The following ATRN variants were observed in gnomAD, a reference collection of about 807,000 sequenced individuals.
ATRN encodes attractin.
In ATRN, 54 loss-of-function variants were observed where a neutral mutation model predicts 178.7. The ratio of observed to expected loss-of-function variants is 0.30; its 90% CI spans 0.24 to 0.38. The LOEUF (loss-of-function observed/expected upper bound fraction) is 0.38, where lower values mean the gene tolerates loss of function less well. Among genes scored for constraint, ATRN ranks in the 10% least tolerant of loss-of-function variants. The pLI is 1.00. For missense variants in ATRN, 1,443 were observed against 1,815.1 expected, an observed-to-expected ratio of 0.79 and a Z score of 3.73; for synonymous variants, 636 against 663.0, an observed-to-expected ratio of 0.96 and a Z score of 0.63.
At chr20:3,502,451 C>G (rs943086318) in intron 1 of ATRN, among the ~76,000 whole-genome samples, 5 of 152,126 alleles carry the variant, frequency 3.3e-5, no homozygotes, top group Non-Finnish European at 5.9e-5. Flanking sequence ...TTGCATCCTC[C>G]CATCCACCTA....
chr20:3,615,929 A>G, intron 24 of ATRN: 2 of 407,246 alleles, frequency 4.9e-6, no homozygotes, highest in South Asian at 1.7e-5. Flanking sequence ...GCATTAGGGG[A>G]TATACCTAAT....
chr20:3,509,486 A>G (rs575200926), intron 1 of ATRN, among the ~76,000 whole-genome samples: 7 of 150,552 alleles, frequency 4.6e-5, no homozygotes, highest in Non-Finnish European at 7.4e-5. Flanking sequence ...TGTCAGAGGT[A>G]CATGTTAACA....
intron 24 of ATRN, among the ~76,000 whole-genome samples, chr20:3,606,720 T>C (rs1157488190): frequency 6.6e-6 from 1 of 152,246 alleles, no homozygotes. Flanking sequence ...TTTCCTTACT[T>C]TACACGTTGT....
intron 25 of ATRN, among the ~76,000 whole-genome samples, chr20:3,630,205 T>G (rs2086979109): frequency 6.6e-6 from 1 of 152,166 alleles, no homozygotes; most frequent in Admixed American, 6.5e-5. Flanking sequence ...AGCTAAATTG[T>G]CTCCCCTTGT....
At chr20:3,574,439 C>T (rs1408502523) in intron 12 of ATRN, among the ~76,000 whole-genome samples, 2 of 152,114 alleles carry the variant, frequency 1.3e-5, no homozygotes, top group East Asian at 3.9e-4. Flanking sequence ...GGCTTGAGCC[C>T]AGGACGTTGA....
Position 3,638,396 on chromosome 20 carries a change from TC to T in ATRN, c.3943-430del, listed in dbSNP as rs372335097. On this transcript the variant is annotated intron_variant, in intron 26 of 28. Transcript: ENST00000262919. This position sits in a 1 kb window ranked among gnomAD's most constrained non-coding sequence, Gnocchi z 4.5. ...GGACATGGAGTATTTGGTTTTCTGT[TC>T]CTGTGTTGGTTTGCTGAGACTGATG... is the stretch of plus-strand genomic sequence containing the variant. Among the ~76,000 whole-genome samples the T allele has an allele frequency of 7.0e-4, 106 of 152,286 alleles. No individual in the cohort carries two copies. In the East Asian group the frequency reaches 0.015, roughly 21 times the overall value.
At chr20:3,504,381 A>G (rs75203092) in intron 1 of ATRN, among the ~76,000 whole-genome samples, 4 of 151,854 alleles carry the variant, frequency 2.6e-5, no homozygotes, top group Non-Finnish European at 4.4e-5. Context: ...TACATAAAAT[A>G]ATAGACTGTC....
At chr20:3,507,792 C>G (rs2085067930) in intron 1 of ATRN, among the ~76,000 whole-genome samples, 1 of 147,682 alleles carries the variant, frequency 6.8e-6, no homozygotes, top group African/African-American at 2.5e-5. Flanking sequence ...TCAAGCAATT[C>G]TCCTGCCTCA....
intron 26 of ATRN, among the ~76,000 whole-genome samples, chr20:3,637,127 T>A (rs1235246437): frequency 2.0e-5 from 3 of 152,246 alleles, no homozygotes; most frequent in Admixed American, 2.0e-4. Flanking sequence ...GTTGGTCATC[T>A]AATAAACTAT....
At chr20:3,511,847 G>A (rs764421235) in intron 1 of ATRN, among the ~76,000 whole-genome samples, 8 of 151,936 alleles carry the variant, frequency 5.3e-5, no homozygotes, top group Non-Finnish European at 1.0e-4. Context: ...TGGGGCATTT[G>A]TTTACTACAT....
intron 1 of ATRN, among the ~76,000 whole-genome samples, chr20:3,497,669 T>C (rs1284849659): frequency 6.6e-6 from 1 of 152,124 alleles, no homozygotes; most frequent in Non-Finnish European, 1.5e-5. Flanking sequence ...GGAGTATCTT[T>C]GTGGCGTTCT....
chr20:3,523,492 T>C (rs2085323738), intron 1 of ATRN, among the ~76,000 whole-genome samples: 1 of 152,150 alleles, frequency 6.6e-6, no homozygotes, highest in South Asian at 2.1e-4. Context: ...GAAAACACTC[T>C]TCAGGATATT....
intron 24 of ATRN, among the ~76,000 whole-genome samples, chr20:3,618,645 T>C (rs2086871226): frequency 6.6e-6 from 1 of 152,248 alleles, no homozygotes; most frequent in African/African-American, 2.4e-5. Context: ...GAGTGTTCGT[T>C]TGCATGGCAG....
intron 1 of ATRN, among the ~76,000 whole-genome samples, chr20:3,503,509 G>T (rs1027867954): frequency 6.6e-6 from 1 of 151,704 alleles, no homozygotes; most frequent in African/African-American, 2.4e-5. Context: ...TCTCAGCAAA[G>T]AGCCATATAA....
At chr20:3,500,226 A>G (rs549665193) in intron 1 of ATRN, among the ~76,000 whole-genome samples, 1,705 of 152,306 alleles carry the variant, frequency 0.011, 35 homozygotes, top group African/African-American at 0.039. Context: ...ACGCTTTTAC[A>G]CTGTTGATGG....
intron 1 of ATRN, among the ~76,000 whole-genome samples, chr20:3,479,639 T>TA (rs1186785471): frequency 6.6e-6 from 1 of 152,210 alleles, no homozygotes. Context: ...ACTCATGGCA[T>TA]AAAACAACAG....
chr20:3,589,450 C>T (rs1192295974), intron 18 of ATRN, among the ~76,000 whole-genome samples: 1 of 150,750 alleles, frequency 6.6e-6, no homozygotes, highest in African/African-American at 2.4e-5. Context: ...TTTTTAAGAG[C>T]TTGCTCTCTT....
At chr20:3,577,114 A>G in intron 14 of ATRN, 117 bp downstream of exon 14, 1 of 1,288,652 alleles carries the variant, frequency 7.8e-7, no homozygotes, top group Non-Finnish European at 1.1e-6. Context: ...CTGTCCATTC[A>G]TCCCCCACAC....
intron 13 of ATRN, among the ~76,000 whole-genome samples, 177 bp downstream of exon 13, chr20:3,576,125 C>G (rs956317686): frequency 2.0e-5 from 3 of 152,164 alleles, no homozygotes; most frequent in Non-Finnish European, 4.4e-5. Context: ...TTTCAAGGGT[C>G]CTACTAGCCC....
Sources: allele counts gnomAD v4.1 joint callset (sites outside exome capture counted in the v4.1 genomes callset), GRCh38; gene constraint gnomAD v4.1.1; non-coding constraint Gnocchi (gnomAD v3.1); transcripts MANE v1.5; gene names NCBI Gene and HGNC (gene_info 2026-07-23, HGNC 2026-07-21).